GARNL3: variants seen among roughly 807,000 people sequenced by gnomAD.
The protein encoded by GARNL3 is GTPase activating Rap/RanGAP domain like 3.
In GARNL3, 63 loss-of-function variants were observed where a neutral mutation model predicts 125.0. That is an observed-to-expected ratio of 0.50 (90% CI 0.41 to 0.62). The LOEUF is 0.62. GARNL3 is among the 20% of genes least tolerant of loss of function. GARNL3 has a pLI of 0.00. For missense variants in GARNL3, 994 were observed against 1,244.0 expected, an observed-to-expected ratio of 0.80 and a Z score of 3.02; for synonymous variants, 439 against 457.5, an observed-to-expected ratio of 0.96 and a Z score of 0.52.
chr9:127,393,658 T>TATAA lies in GARNL3; in HGVS notation c.*404_*405insATAA, dbSNP rs1424234909. 5 of 152,812 alleles carry TATAA rather than the reference T, an allele frequency of 3.3e-5. No homozygotes were observed. Among genetic ancestry groups the TATAA allele is most frequent in the Admixed American group, 3.3e-4 (5 of 15,324 alleles). 9.5% of individuals were successfully genotyped at this position (152,812 alleles called of 1,614,324 possible). ...AAAGAAAAGTCGTTGCTTTTTAACT[T>TATAA]TATTATAAGTAAGTTTTTTTTCTGC... On this transcript the variant is annotated 3_prime_UTR_variant, in exon 28 of 28. Transcript: ENST00000373387.
At chr9:127,268,960 A>AT (rs1278742314) in intron 1 of GARNL3, among the ~76,000 whole-genome samples, 6 of 152,164 alleles carry the variant, frequency 3.9e-5, no homozygotes, top group Non-Finnish European at 8.8e-5. Context: ...ATTCCGTTGT[A>AT]TTGATACACC....
At position 127,388,574 on chromosome 9, in the gene GARNL3, C is replaced by T. The variant is rs112328586; in HGVS notation, c.2528-330C>T. ...CACAGCGCTTTTCATAAATTCTTAC[C>T]ACATCACTCATCTTTATTGCACGCA... On this transcript the variant is annotated intron_variant, in intron 25 of 27. Transcript: ENST00000373387. 8 of 349,966 alleles carry T rather than the reference C, an allele frequency of 2.3e-5. 1 individual carries two copies. Among genetic ancestry groups the T allele is most frequent in the African/African-American group, 1.1e-4 (5 of 47,080 alleles). 21.7% of individuals were successfully genotyped at this position (349,966 alleles called of 1,614,324 possible). A position where few individuals can be genotyped will look rare whatever the true frequency, so the allele number is the denominator to read the frequency against.
intron 6 of GARNL3, among the ~76,000 whole-genome samples, chr9:127,322,840 G>A (rs994002099): frequency 3.3e-5 from 5 of 152,158 alleles, no homozygotes; most frequent in African/African-American, 9.7e-5. Flanking sequence ...CTGCTATACT[G>A]TAGTAACATT....
chr9:127,374,909 C>CAAAAAAA lies in GARNL3; in HGVS notation c.2162-8519_2162-8513dup, dbSNP rs772141471. On this transcript the variant is annotated intron_variant, in intron 22 of 27. Coordinates refer to ENST00000373387, the MANE Select transcript of GARNL3 (RefSeq NM_032293.5). The stretch of plus-strand genomic sequence containing the variant: ...GCAGTATCATGAGACTCCATCTCTA[C>CAAAAAAA]AAAAAAAAAAAAAAAACAACAAAGA... Among the ~76,000 whole-genome samples the CAAAAAAA allele has an allele frequency of 6.3e-5, 4 of 63,178 alleles. No homozygotes were observed. In the East Asian group the frequency reaches 1.2e-3, roughly 20 times the overall value. The allele number at this position is 63,178 out of a possible 152,430, so 41.4% of individuals were successfully genotyped here.
intron 2 of GARNL3, among the ~76,000 whole-genome samples, chr9:127,301,447 CA>C (rs1180920296): frequency 6.6e-6 from 1 of 152,154 alleles, no homozygotes; most frequent in Non-Finnish European, 1.5e-5. Context: ...ATTTTGGAGT[CA>C]AACAAACCTG....
intron 22 of GARNL3, among the ~76,000 whole-genome samples, chr9:127,380,573 T>C (rs1240856573): frequency 6.6e-6 from 1 of 152,188 alleles, no homozygotes; most frequent in Non-Finnish European, 1.5e-5. Flanking sequence ...CAACAAAATG[T>C]AGGCTATTCA....
chr9:127,343,243 G>T (rs1158560014), intron 14 of GARNL3, among the ~76,000 whole-genome samples: 1 of 152,042 alleles, frequency 6.6e-6, no homozygotes, highest in Non-Finnish European at 1.5e-5. Flanking sequence ...TGTCTGGTCG[G>T]TGTACCCCAA....
intron 11 of GARNL3, among the ~76,000 whole-genome samples, chr9:127,337,518 A>T (rs1829620217): frequency 6.6e-6 from 1 of 152,068 alleles, no homozygotes; most frequent in Admixed American, 6.6e-5. Context: ...TGGTGGGTGG[A>T]GGTGGAAGGG....
intron 22 of GARNL3, among the ~76,000 whole-genome samples, chr9:127,371,783 C>T (rs1331031271): frequency 6.6e-6 from 1 of 152,062 alleles, no homozygotes; most frequent in East Asian, 1.9e-4. Context: ...ATTACATAAA[C>T]AAATTGGTCA....
At chr9:127,354,165 G>A (rs1157178103) in intron 18 of GARNL3, 129 bp from the exon 19 acceptor site, 2 of 723,544 alleles carry the variant, frequency 2.8e-6, no homozygotes, top group South Asian at 1.7e-5. Context: ...GGTTAAAGTG[G>A]TGTGGGGTGC....
intron 1 of GARNL3, among the ~76,000 whole-genome samples, chr9:127,238,016 C>T (rs375642468): frequency 3.3e-5 from 5 of 152,266 alleles, no homozygotes; most frequent in East Asian, 1.9e-4. Flanking sequence ...GTTTCCCATC[C>T]GCCTGACTAA....
At chr9:127,259,264 T>C (rs2063543869), upstream of GARNL3, among the ~76,000 whole-genome samples, 1 of 152,212 alleles carries the variant, frequency 6.6e-6, no homozygotes. Context: ...ATCTTTGCTC[T>C]CATCCCAGGC....
At chr9:127,329,416 A>G (rs1330666889) in intron 7 of GARNL3, among the ~76,000 whole-genome samples, 2 of 152,286 alleles carry the variant, frequency 1.3e-5, no homozygotes, top group East Asian at 3.9e-4. Context: ...CCTTGGGTGC[A>G]CAGGTACTTA....
At position 127,344,278 on chromosome 9, in the gene GARNL3, C is replaced by T; in HGVS notation, c.1295C>T (p.Ser432Leu). The T allele has an allele frequency of 6.2e-7, 1 of 1,613,972 alleles. No individual in the cohort carries two copies. Among genetic ancestry groups the T allele is most frequent in the East Asian group, 2.2e-5 (1 of 44,888 alleles). The change falls in exon 15 of 28, where the codon TCA (serine) becomes TTA (leucine). Residue 432 changes from serine (S) to leucine (L), a missense_variant. Physicochemically the swap from Ser to Leu is moderately radical, Grantham distance 145. Around this residue, in one of 5 missense-constraint regions of GARNL3, gnomAD observed 728 missense variants for 865.7 expected, o/e 0.84. Transcript: ENST00000373387. The part of the protein sequence containing the change: ...RRSFSDVLPE[S>L]PKSARKKEEA... ...TCTTTTAGTGATGTCTTACCAGAGT[C>T]ACCCAAGTCAGCGCGGAAGAAAGAG...
At position 127,349,005 on chromosome 9, in the gene GARNL3, T is replaced by G; in HGVS notation, c.1513T>G (p.Ser505Ala). ...ADPWGQALLV[S>A]TDAGVLLVDD... ...TCCCTGGGGCCAGGCCTTGCTGGTT[T>G]CCACTGATGCTGGCGTCTTGCTAGT... Residue 505 changes from serine to alanine, a missense_variant, in exon 17 of 28, where the codon TCC becomes GCC. By Grantham distance (99) the Ser-to-Ala change is moderately conservative (BLOSUM62 1). Transcript: ENST00000373387. 6.2e-7 allele frequency: 1 copy of G among 1,613,888 alleles called. No individual in the cohort carries two copies. Among genetic ancestry groups the G allele is most frequent in the African/African-American group, 1.3e-5 (1 of 75,048 alleles).
rs2065001229 is a variant in GARNL3, at chr9:127,307,942, CT to C, written c.220-3693del. ...GCCAGCTTCCTTGGCTGGACTCCCC[CT>C]ATGTCTGGTCAGCTGATGCCTGAGG... On this transcript the variant is annotated intron_variant, in intron 2 of 27. Coordinates refer to ENST00000373387, the MANE Select transcript of GARNL3 (RefSeq NM_032293.5). Among the ~76,000 whole-genome samples the C allele has an allele frequency of 1.3e-5, 2 of 152,230 alleles. 1 individual carries two copies. Among genetic ancestry groups the C allele is most frequent in the South Asian group, 4.1e-4 (2 of 4,834 alleles).
At chr9:127,328,779 T>C (rs980770111) in intron 7 of GARNL3, among the ~76,000 whole-genome samples, 4 of 152,242 alleles carry the variant, frequency 2.6e-5, no homozygotes, top group African/African-American at 9.6e-5. Flanking sequence ...CATAGCATAC[T>C]ACTGATTTCC....
intron 21 of GARNL3, among the ~76,000 whole-genome samples, chr9:127,359,404 C>T (rs568887778): frequency 1.8e-4 from 28 of 152,244 alleles, no homozygotes; most frequent in East Asian, 5.8e-4. Context: ...GAAAGAGAAT[C>T]GCTTGAAGCC....
intron 22 of GARNL3, among the ~76,000 whole-genome samples, chr9:127,379,097 G>A (rs1367051079): frequency 1.3e-5 from 2 of 152,166 alleles, no homozygotes; most frequent in African/African-American, 4.8e-5. Context: ...TTATTAATCA[G>A]GCAGCTCCAA....
Sources: gnomAD v4.1 joint callset for allele counts (sites outside exome capture counted in the v4.1 genomes callset) on GRCh38, gnomAD v4.1.1 for gene constraint, gnomAD v4.1.1 regional missense constraint, MANE v1.5 for transcripts, NCBI Gene and HGNC (gene_info 2026-07-23, HGNC 2026-07-21) for gene names.